The following GREB1L variants were observed in gnomAD, a reference collection of about 807,000 sequenced individuals.
GREB1L encodes the protein GREB1-like protein.
A neutral mutation model predicts 200.8 loss-of-function variants in GREB1L; 17 were observed. The observed-to-expected ratio is 0.08, with a 90% CI of 0.06 to 0.13. The LOEUF (loss-of-function observed/expected upper bound fraction) is 0.13, where lower values mean the gene tolerates loss of function less well. Ranked by LOEUF, GREB1L falls within the 10% of genes least tolerant of loss-of-function variation. The pLI is 1.00. For missense variants in GREB1L, 1,657 were observed against 2,367.7 expected (o/e 0.70, Z 6.23); for synonymous variants, 789 against 893.0 (o/e 0.88, Z 2.08).
chr18:21,449,213 G>A (rs1222212280), intron 11 of GREB1L, among the ~76,000 whole-genome samples: 5 of 152,142 alleles, frequency 3.3e-5, no homozygotes, highest in East Asian at 1.9e-4. Flanking sequence ...GACCAGCTCC[G>A]AGGGCATACA....
chr18:21,443,265 C>T (rs528427419), intron 10 of GREB1L, among the ~76,000 whole-genome samples: 5 of 152,178 alleles, frequency 3.3e-5, no homozygotes, highest in South Asian at 2.1e-4. Context: ...TGCAGTGGCG[C>T]GATCTCGGCT....
At chr18:21,317,260 A>G (rs189434648) in intron 1 of GREB1L, among the ~76,000 whole-genome samples, 1 of 151,886 alleles carries the variant, frequency 6.6e-6, no homozygotes. Context: ...TCCCCTATCT[A>G]AAGTTATACA....
At chr18:21,304,466 T>C (rs1295271502) in intron 1 of GREB1L, among the ~76,000 whole-genome samples, 3 of 152,054 alleles carry the variant, frequency 2.0e-5, no homozygotes, top group Non-Finnish European at 4.4e-5. Context: ...AAAGACACAG[T>C]CCCCACCTTT....
At chr18:21,457,412 C>T (rs183999738) in intron 15 of GREB1L, among the ~76,000 whole-genome samples, 104 of 152,230 alleles carry the variant, frequency 6.8e-4, no homozygotes, top group Non-Finnish European at 1.3e-3. Context: ...TTTAAACATA[C>T]CTTTATTTTG....
intron 1 of GREB1L, among the ~76,000 whole-genome samples, chr18:21,347,758 C>T (rs543687485): frequency 3.5e-5 from 5 of 144,760 alleles, no homozygotes; most frequent in African/African-American, 1.0e-4. Flanking sequence ...CCCAGCCCCC[C>T]GACCTTTTTT....
Position 21,440,381 on chromosome 18 carries a change from A to G in GREB1L, c.1062A>G (p.Ser354=), listed in dbSNP as rs538653254. The change falls in exon 9 of 33, where the codon TCA becomes TCG. Residue 354 remains serine, a synonymous_variant. Transcript: ENST00000424526. ...CTGTCCCTACAGTTCGCCCTCTTTC[A>G]AGAACGGGTAAGATTTTAACAGAAG... ...VVPVPTVRPL[S]RTEPLLSAPV... 4.7e-5 allele frequency: 73 copies of G among 1,551,628 alleles called. No individual in the cohort carries two copies. The Middle Eastern group carries it at 5.0e-4, about 11-fold the overall frequency.
At chr18:21,278,557 CAG>C (rs1017997151) in intron 1 of GREB1L, among the ~76,000 whole-genome samples, 3 of 151,918 alleles carry the variant, frequency 2.0e-5, no homozygotes, top group African/African-American at 7.3e-5. Flanking sequence ...TGAGAGCACT[CAG>C]TGTAAAGTGT....
At chr18:21,411,032 G>A (rs541912784) in intron 7 of GREB1L, among the ~76,000 whole-genome samples, 16 of 152,150 alleles carry the variant, frequency 1.1e-4, no homozygotes, top group Admixed American at 5.9e-4. Context: ...GAAACAGTGA[G>A]CAGAAACTTC....
chr18:21,342,162 A>G (rs1462366524), intron 1 of GREB1L, among the ~76,000 whole-genome samples: 1 of 152,048 alleles, frequency 6.6e-6, no homozygotes, highest in Non-Finnish European at 1.5e-5. Flanking sequence ...TGATGGCCTG[A>G]ATTGATGTTC....
rs745942453 is a variant in GREB1L at position 21,439,558 on chromosome 18, C to CA, written c.871dup (p.Ser291LysfsTer20). ...GAAACAGTAGCCATGGAGGGAAGGGCAGTGCATCCAGCTCCACTCCAGCCC... is the reference window on the plus strand; with the variant it reads ...GAAACAGTAGCCATGGAGGGAAGGGCAAGTGCATCCAGCTCCACTCCAGCCC... On this transcript the variant is annotated frameshift_variant, in exon 8 of 33. Transcript: ENST00000424526. LOFTEE classifies it high-confidence loss of function. The CA allele has an allele frequency of 6.4e-7, 1 of 1,550,436 alleles. No individual in the cohort carries two copies. Among genetic ancestry groups the CA allele is most frequent in the South Asian group, 1.2e-5 (1 of 84,008 alleles).
Position 21,449,730 on chromosome 18 carries a change from C to G in GREB1L, c.1614C>G (p.Thr538=), listed in dbSNP as rs2034423937. ...QNSLAEGISE[T]LRTLSEMRHY... ...CTTTGGCGGAGGGCATTTCAGAGAC[C>G]TTAAGGACTCTCAGTGAAATGAGAC... Residue 538 remains threonine, a synonymous_variant, in exon 12 of 33, where the codon ACC becomes ACG. Transcript: ENST00000424526. The G allele has an allele frequency of 3.2e-6, 5 of 1,551,596 alleles. No individual in the cohort carries two copies. The African/African-American group carries it at 4.1e-5, about 13-fold the overall frequency.
At chr18:21,514,024 T>C in intron 28 of GREB1L, 38 bp downstream of exon 28, 14 of 1,519,204 alleles carry the variant, frequency 9.2e-6, no homozygotes, top group South Asian at 1.2e-5. Flanking sequence ...CACAATGCTA[T>C]AGACAGGACA....
At position 21,496,053 on chromosome 18, in the gene GREB1L, T is replaced by A. The variant is rs138239908; in HGVS notation, c.3146+268T>A. Among the ~76,000 whole-genome samples, 465 of 152,274 alleles carry A rather than the reference T, an allele frequency of 3.1e-3. 5 individuals carry two copies. Among genetic ancestry groups the A allele is most frequent in the African/African-American group, 0.011 (447 of 41,538 alleles). The stretch of plus-strand genomic sequence containing the variant: ...AGGGAGGAAAAGCAGGATTTTTTTT[T>A]ATAAAGTGCTTTGTCTTTGTTAATC... On this transcript the variant is annotated intron_variant, in intron 20 of 32. Coordinates refer to ENST00000424526, the MANE Select transcript of GREB1L (RefSeq NM_001142966.3).
rs544028940 is a variant in GREB1L at position 21,486,199 on chromosome 18, G to A, written c.2690+446G>A. Reference sequence around the variant, plus strand: ...GAAACCCCATCTCTACTAAAAATACGAAAAATTAGCCAGGCGTGGTGGCAG... The same window carrying A: ...GAAACCCCATCTCTACTAAAAATACAAAAAATTAGCCAGGCGTGGTGGCAG... On this transcript the variant is annotated intron_variant, in intron 18 of 32. Transcript: ENST00000424526. Among the ~76,000 whole-genome samples the A allele has an allele frequency of 6.6e-5, 10 of 151,908 alleles. No homozygotes were observed. The East Asian group carries it at 9.7e-4, about 15-fold the overall frequency.
At chr18:21,511,702 A>G (rs969977182) in intron 27 of GREB1L, among the ~76,000 whole-genome samples, 1 of 152,180 alleles carries the variant, frequency 6.6e-6, no homozygotes, top group Non-Finnish European at 1.5e-5. Context: ...TAGAGTGTGC[A>G]GTGGTACGAC....
At chr18:21,426,346 C>A (rs564562284) in intron 7 of GREB1L, among the ~76,000 whole-genome samples, 80 of 152,228 alleles carry the variant, frequency 5.3e-4, no homozygotes, top group African/African-American at 1.9e-3. Context: ...CATGAGCCAC[C>A]GCGCCCGGCC....
intron 15 of GREB1L, among the ~76,000 whole-genome samples, chr18:21,460,129 C>T (rs577758017): frequency 3.9e-5 from 6 of 152,042 alleles, no homozygotes; most frequent in Non-Finnish European, 8.8e-5. Context: ...CAGTTGATGC[C>T]GTACTAAATT....
At position 21,522,991 on chromosome 18, in the gene GREB1L, C is replaced by T; in HGVS notation, c.*170C>T. 1 of 582,410 alleles carries T rather than the reference C, an allele frequency of 1.7e-6. No individual in the cohort carries two copies. Among genetic ancestry groups the T allele is most frequent in the Non-Finnish European group, 2.9e-6 (1 of 344,628 alleles). The allele number at this position is 582,410 out of a possible 1,614,324, so 36.1% of individuals were successfully genotyped here. On this transcript the variant is annotated 3_prime_UTR_variant, in exon 33 of 33. Transcript: ENST00000424526. The stretch of plus-strand genomic sequence containing the variant: ...ATCTGATCCAGGTCTTTGGGGACAT[C>T]ACTTTCCTTCAGTTCCAATTACAGG...
chr18:21,357,298 C>T (rs1380113918), intron 1 of GREB1L, among the ~76,000 whole-genome samples: 4 of 152,220 alleles, frequency 2.6e-5, no homozygotes, highest in African/African-American at 4.8e-5. Context: ...GTGATCCGCC[C>T]GCCTCAGCCT....
Sources: allele counts gnomAD v4.1 joint callset (sites outside exome capture counted in the v4.1 genomes callset), GRCh38; gene constraint gnomAD v4.1.1; transcripts MANE v1.5; gene names NCBI Gene and HGNC (gene_info 2026-07-23, HGNC 2026-07-21).